Variants in NAA11 observed in about 807,000 individuals in gnomAD.
NAA11 encodes the protein N-alpha-acetyltransferase 11, NatA catalytic subunit, also known as N-alpha-acetyltransferase 11.
NAA11 carries 15 observed loss-of-function variants against 16.1 expected under a neutral mutation model. The observed-to-expected ratio is 0.93, with a 90% CI of 0.62 to 1.44. The LOEUF is 1.44. Ranked by LOEUF, NAA11 falls within the 40% of genes most tolerant of loss-of-function variation. The pLI is 0.00. For synonymous variants in NAA11, 122 were observed against 112.4 expected (o/e 1.09, Z -0.54); for missense variants, 298 against 291.3 (o/e 1.02, Z -0.17).
intron 2 of NAA11, among the ~76,000 whole-genome samples, chr4:79,243,222 A>C (rs527474595): frequency 6.6e-6 from 1 of 152,344 alleles, no homozygotes; most frequent in Admixed American, 6.5e-5. Flanking sequence ...ACTGACTTTC[A>C]TAACATGTTC....
At chr4:79,163,005 C>T in the NAA11 span, among the ~76,000 whole-genome samples, 9 of 152,310 alleles carry the variant, frequency 5.9e-5, no homozygotes, top group South Asian at 1.9e-3. Context: ...AAACAAACTT[C>T]AGAGAAATTT....
chr4:79,204,071 T>C, the NAA11 span, among the ~76,000 whole-genome samples: 1 of 152,012 alleles, frequency 6.6e-6, no homozygotes, highest in Non-Finnish European at 1.5e-5. Flanking sequence ...TAAATTGATA[T>C]AACTTTTCTG....
intron 1 of NAA11, among the ~76,000 whole-genome samples, chr4:79,302,693 GT>G (rs1723427909): frequency 6.6e-6 from 1 of 152,054 alleles, no homozygotes; most frequent in South Asian, 2.1e-4. Context: ...AAAGTGATAT[GT>G]GTAACTTTCA....
At chr4:79,319,722 TC>T (rs1430736883) in intron 1 of NAA11, among the ~76,000 whole-genome samples, 1 of 152,226 alleles carries the variant, frequency 6.6e-6, no homozygotes, top group African/African-American at 2.4e-5. Context: ...TTTTATCTCT[TC>T]CCAACCCCCT....
intron 2 of NAA11, among the ~76,000 whole-genome samples, chr4:79,284,365 A>G (rs1451212555): frequency 6.6e-6 from 1 of 152,030 alleles, no homozygotes; most frequent in Non-Finnish European, 1.5e-5. Context: ...ATGCTTTTCT[A>G]TTTACTTCTT....
intron 2 of NAA11, among the ~76,000 whole-genome samples, chr4:79,286,625 CTT>C (rs1456926673): frequency 2.0e-5 from 3 of 152,006 alleles, no homozygotes; most frequent in African/African-American, 7.2e-5. Flanking sequence ...GCTCAAATAA[CTT>C]TTTACATTTT....
At chr4:79,184,322 G>A in the NAA11 span, among the ~76,000 whole-genome samples, 1 of 152,126 alleles carries the variant, frequency 6.6e-6, no homozygotes, top group Non-Finnish European at 1.5e-5. Context: ...ACTGCCGCAA[G>A]GATGCTGCCT....
intron 2 of NAA11, among the ~76,000 whole-genome samples, chr4:79,276,614 G>A (rs977143753): frequency 1.3e-5 from 2 of 152,164 alleles, no homozygotes; most frequent in African/African-American, 4.8e-5. Flanking sequence ...CCAAGTGGAT[G>A]TGTGGTGGTA....
intron 1 of NAA11, among the ~76,000 whole-genome samples, chr4:79,321,897 T>A (rs1208902279): frequency 2.0e-5 from 3 of 152,190 alleles, no homozygotes; most frequent in Admixed American, 6.5e-5. Context: ...TTACATCTTT[T>A]AAAAATTTTT....
At chr4:79,173,098 C>T in the NAA11 span, among the ~76,000 whole-genome samples, 14 of 152,132 alleles carry the variant, frequency 9.2e-5, no homozygotes, top group Admixed American at 6.6e-4. Flanking sequence ...GTGGGTAGAA[C>T]GAAAAGGAGA....
chr4:79,313,993 C>T (rs1436110424), downstream of NAA11, among the ~76,000 whole-genome samples: 1 of 152,078 alleles, frequency 6.6e-6, no homozygotes, highest in Non-Finnish European at 1.5e-5. Flanking sequence ...TCTCATCCTT[C>T]AGGCTTGTGC....
At chr4:79,271,693 A>G (rs910871246) in intron 2 of NAA11, among the ~76,000 whole-genome samples, 1 of 152,088 alleles carries the variant, frequency 6.6e-6, no homozygotes, top group Non-Finnish European at 1.5e-5. Context: ...AATTAAGAAA[A>G]CAATGTTTAA....
chr4:79,162,851 A>G, the NAA11 span, among the ~76,000 whole-genome samples: 1 of 152,232 alleles, frequency 6.6e-6, no homozygotes, highest in East Asian at 1.9e-4. Flanking sequence ...AAGAGGCAAC[A>G]TGGTAGTGTC....
At chr4:79,245,201 C>G (rs551283283) in intron 2 of NAA11, 260 of 160,248 alleles carry the variant, frequency 1.6e-3, no homozygotes, top group African/African-American at 5.5e-3. Flanking sequence ...GCCTGGCCGC[C>G]CATCATCTGG....
intron 2 of NAA11, among the ~76,000 whole-genome samples, chr4:79,287,532 A>G (rs1021312025): frequency 6.6e-6 from 1 of 151,896 alleles, no homozygotes; most frequent in African/African-American, 2.4e-5. Context: ...TAGCAAATTG[A>G]GGCTGAGGTC....
intron 2 of NAA11, among the ~76,000 whole-genome samples, chr4:79,236,540 A>C (rs1283452535): frequency 6.6e-6 from 1 of 152,178 alleles, no homozygotes; most frequent in South Asian, 2.1e-4. Context: ...TTCAGAAGAA[A>C]TTATACCTCA....
At chr4:79,310,109 G>C (rs531510404) in intron 1 of NAA11, among the ~76,000 whole-genome samples, 1 of 152,234 alleles carries the variant, frequency 6.6e-6, no homozygotes, top group South Asian at 2.1e-4. Context: ...ATTCATTCGT[G>C]CTTTTACTTG....
chr4:79,205,685 C>A, the NAA11 span, among the ~76,000 whole-genome samples: 1 of 151,882 alleles, frequency 6.6e-6, no homozygotes. Context: ...AATTATTTGC[C>A]TAGGTCAATG....
chr4:79,299,807 A>G (rs986373231), intron 1 of NAA11, among the ~76,000 whole-genome samples: 7 of 152,222 alleles, frequency 4.6e-5, no homozygotes, highest in Non-Finnish European at 1.0e-4. Flanking sequence ...ATCTGTTCTC[A>G]TATTGCAGAT....
Sources: gnomAD v4.1 joint callset for allele counts (sites outside exome capture counted in the v4.1 genomes callset) on GRCh38, gnomAD v4.1.1 for gene constraint, MANE v1.5 for transcripts, NCBI Gene and HGNC (gene_info 2026-07-23, HGNC 2026-07-21) for gene names.